IMMP1L: variants seen among roughly 807,000 people sequenced by gnomAD.
IMMP1L encodes mitochondrial inner membrane protease subunit 1.
IMMP1L carries 24 observed loss-of-function variants against 21.8 expected under a neutral mutation model. That is an observed-to-expected ratio of 1.10 (90% confidence interval 0.80 to 1.55). The LOEUF is 1.55. Among genes scored for constraint, IMMP1L ranks in the 40% most tolerant of loss-of-function variants. IMMP1L has a pLI of 0.00. For synonymous variants in IMMP1L, 46 were observed against 62.8 expected (o/e 0.73, Z 1.26); for missense variants, 195 against 200.7 (o/e 0.97, Z 0.17).
Position 31,456,306 on chromosome 11 carries a change from T to C in IMMP1L, c.275A>G (p.Lys92Arg), listed in dbSNP as rs1468116156. Reference protein sequence around the residue: ...CKRVIGLEGDKILTTSPSDFF... With the variant: ...CKRVIGLEGDRILTTSPSDFF... ...ATCTGATGGACTAGTGGTGAGGATTTTGTCTCCTTCCAAACCAATTACTCT... is the reference window on the plus strand; with the variant it reads ...ATCTGATGGACTAGTGGTGAGGATTCTGTCTCCTTCCAAACCAATTACTCT... The change falls in exon 4 of 6, where the codon AAA (lysine) becomes AGA (arginine). Residue 92 changes from lysine (K) to arginine (R), a missense_variant. Transcript: ENST00000532287. The C allele has an allele frequency of 6.2e-7, 1 of 1,609,006 alleles. No individual in the cohort carries two copies. Among genetic ancestry groups the C allele is most frequent in the Non-Finnish European group, 8.5e-7 (1 of 1,176,302 alleles).
chr11:31,504,501 C>T (rs1955722568), intron 1 of IMMP1L, among the ~76,000 whole-genome samples: 1 of 152,114 alleles, frequency 6.6e-6, no homozygotes, highest in African/African-American at 2.4e-5. Context: ...CATACCACAA[C>T]CCTCTGAGAA....
chr11:31,483,438 C>T (rs551327638), intron 1 of IMMP1L, among the ~76,000 whole-genome samples: 1 of 151,984 alleles, frequency 6.6e-6, no homozygotes, highest in South Asian at 2.1e-4. Flanking sequence ...GGGTTGTTAC[C>T]GTATCTATTT....
chr11:31,500,217 C>G (rs940437768), intron 1 of IMMP1L, among the ~76,000 whole-genome samples: 2 of 152,002 alleles, frequency 1.3e-5, no homozygotes, highest in East Asian at 3.9e-4. Context: ...AAAGAGAAAA[C>G]CCACTCCAGT....
chr11:31,439,454 T>A (rs1397893829), intron 4 of IMMP1L, among the ~76,000 whole-genome samples: 1 of 152,194 alleles, frequency 6.6e-6, no homozygotes, highest in Non-Finnish European at 1.5e-5. Context: ...AATATGTTCA[T>A]CTCCTCTAGA....
chr11:31,459,436 T>TA (rs1954063970), intron 3 of IMMP1L, among the ~76,000 whole-genome samples: 1 of 152,154 alleles, frequency 6.6e-6, no homozygotes, highest in South Asian at 2.1e-4. Context: ...TTCAGAATTA[T>TA]AAAAAACAAA....
chr11:31,460,760 A>AATTTAACAT (rs1954112962), intron 2 of IMMP1L, 46 bp from the exon 3 acceptor site: 1 of 1,219,734 alleles, frequency 8.2e-7, no homozygotes, highest in Non-Finnish European at 1.2e-6. Context: ...ATCTCTTTTA[A>AATTTAACAT]ATTTAACATA....
intron 4 of IMMP1L, chr11:31,437,120 A>AT (rs1250354944): frequency 6.8e-6 from 3 of 444,380 alleles, no homozygotes; most frequent in Non-Finnish European, 1.4e-5. Context: ...ATCCACCTCT[A>AT]TAAGTTGCAG....
intron 1 of IMMP1L, among the ~76,000 whole-genome samples, chr11:31,473,175 A>G (rs2133717090): frequency 6.6e-6 from 1 of 151,964 alleles, no homozygotes; most frequent in South Asian, 2.1e-4. Flanking sequence ...TCAGCCTCCT[A>G]AGTAACTGGG....
intron 4 of IMMP1L, among the ~76,000 whole-genome samples, chr11:31,445,338 A>C (rs565329745): frequency 6.6e-6 from 1 of 151,920 alleles, no homozygotes; most frequent in South Asian, 2.1e-4. Flanking sequence ...CCAAATCCAA[A>C]CTCATCCTAT....
In IMMP1L at chr11:31,508,486, G is replaced by GT. The variant is rs1337067117; in HGVS notation, c.-30+1032dup. Among the ~76,000 whole-genome samples the GT allele has an allele frequency of 9.9e-5, 15 of 152,138 alleles. 1 individual carries two copies. Among genetic ancestry groups the GT allele is most frequent in the African/African-American group, 3.4e-4 (14 of 41,490 alleles). The stretch of plus-strand genomic sequence containing the variant: ...TCCAGTTGATATATTGTGAAACAGG[G>GT]TTTTTTCCTAAACATGATTCTAAAA... On this transcript the variant is annotated intron_variant, in intron 1 of 5. Transcript: ENST00000532287.
At chr11:31,460,579 G>A (rs1416446148) in intron 3 of IMMP1L, 47 bp downstream of exon 3, 4 of 1,125,004 alleles carry the variant, frequency 3.6e-6, no homozygotes, top group African/African-American at 1.5e-5. Flanking sequence ...CACAATGTGT[G>A]TGTGTATTTT....
chr11:31,450,233 C>G (rs1953698092), intron 4 of IMMP1L, among the ~76,000 whole-genome samples: 1 of 152,110 alleles, frequency 6.6e-6, no homozygotes, highest in Non-Finnish European at 1.5e-5. Flanking sequence ...TACAGAAATG[C>G]AGAAACTCTT....
chr11:31,487,462 CT>C (rs975663712), intron 1 of IMMP1L, among the ~76,000 whole-genome samples: 1 of 152,096 alleles, frequency 6.6e-6, no homozygotes, highest in Admixed American at 6.5e-5. Flanking sequence ...AAACACACTT[CT>C]GACTTTCACA....
chr11:31,438,192 C>T (rs1303741225), intron 4 of IMMP1L, among the ~76,000 whole-genome samples: 1 of 152,060 alleles, frequency 6.6e-6, no homozygotes, highest in Non-Finnish European at 1.5e-5. Flanking sequence ...TGACTGTGTT[C>T]CTGTTGTTCC....
chr11:31,481,637 C>T (rs192451964), intron 1 of IMMP1L, among the ~76,000 whole-genome samples: 18 of 151,830 alleles, frequency 1.2e-4, no homozygotes, highest in African/African-American at 4.3e-4. Flanking sequence ...CATCATAGCC[C>T]ATAATCAGAA....
At chr11:31,439,957 C>G (rs927923176) in intron 4 of IMMP1L, among the ~76,000 whole-genome samples, 3 of 152,156 alleles carry the variant, frequency 2.0e-5, no homozygotes, top group African/African-American at 7.2e-5. Context: ...ATTCCTCAGT[C>G]TCTTTAAGTT....
intron 1 of IMMP1L, among the ~76,000 whole-genome samples, chr11:31,493,630 AAAGTCC>A (rs1955329368): frequency 1.3e-5 from 2 of 152,180 alleles, no homozygotes; most frequent in Admixed American, 6.5e-5. Context: ...AATTAACCCA[AAAGTCC>A]AAGTCCAAAG....
chr11:31,438,672 T>C (rs1174115499), intron 4 of IMMP1L, among the ~76,000 whole-genome samples: 1 of 152,228 alleles, frequency 6.6e-6, no homozygotes, highest in Non-Finnish European at 1.5e-5. Flanking sequence ...AGATAACTTC[T>C]GTGCATGATG....
chr11:31,480,601 G>A (rs546709842), intron 1 of IMMP1L, among the ~76,000 whole-genome samples: 2 of 151,884 alleles, frequency 1.3e-5, no homozygotes, highest in South Asian at 2.1e-4. Context: ...GTAATACTGA[G>A]GCTAAAGATG....
Sources: gnomAD v4.1 joint callset for allele counts (sites outside exome capture counted in the v4.1 genomes callset) on GRCh38, gnomAD v4.1.1 for gene constraint, MANE v1.5 for transcripts, NCBI Gene and HGNC (gene_info 2026-07-23, HGNC 2026-07-21) for gene names.